KIF14: variants seen among roughly 807,000 people sequenced by gnomAD.
KIF14 encodes kinesin-like protein KIF14.
In KIF14, 98 loss-of-function variants were observed where a neutral mutation model predicts 176.2. The ratio of observed to expected loss-of-function variants is 0.56; its 90% CI spans 0.47 to 0.66. The LOEUF (loss-of-function observed/expected upper bound fraction) is 0.66, where lower values mean the gene tolerates loss of function less well. KIF14 is among the 30% of genes least tolerant of loss of function. The probability of loss-of-function intolerance (pLI) is 0.00; values close to 1 mark genes in which losing one functional copy is unlikely to be tolerated. For synonymous variants in KIF14, 566 were observed against 632.2 expected, an observed-to-expected ratio of 0.90 and a Z score of 1.57; for missense variants, 1,751 against 1,920.4, an observed-to-expected ratio of 0.91 and a Z score of 1.65.
Position 200,551,659 on chromosome 1 carries a change from A to C in KIF14, c.*1729T>G, listed in dbSNP as rs1477605545. 6.6e-6 allele frequency: 1 copy of C among 152,174 alleles called. No individual in the cohort carries two copies. The highest frequency in any genetic ancestry group is 1.9e-4 in the East Asian group (1 of 5,198). The allele number at this position is 152,174 out of a possible 1,614,324, so 9.4% of individuals were successfully genotyped here. On this transcript the variant is annotated 3_prime_UTR_variant, in exon 30 of 30. Coordinates refer to ENST00000367350, the MANE Select transcript of KIF14 (RefSeq NM_014875.3). ...TACAAAATTTTATAAAGACACTAAA[A>C]AGTTTCTGACCAATTAAGTCATGAG...
rs1312693263 is a variant in KIF14, at chr1:200,565,160, T to C, written c.3980A>G (p.Asp1327Gly). ...LVVLMKHWLSDLLPCTNIARL... is the reference protein window; with the variant it reads ...LVVLMKHWLSGLLPCTNIARL... ...TGCTATGTTGGTACAAGGCAGTAAA[T>C]CACTCAGCCAGTGTTTCATTAGCAC... The change falls in exon 25 of 30, where the codon GAT becomes GGT. Residue 1327 changes from aspartate (D) to glycine (G), a missense_variant. Asp to Gly is a moderately conservative substitution (Grantham distance 94). Coordinates refer to ENST00000367350, the MANE Select transcript of KIF14 (RefSeq NM_014875.3). 6.2e-7 allele frequency: 1 copy of C among 1,613,796 alleles called. No homozygotes were observed. Among genetic ancestry groups the C allele is most frequent in the Non-Finnish European group, 8.5e-7 (1 of 1,179,838 alleles).
In KIF14 at chr1:200,593,686, T is replaced by TC; in HGVS notation, c.2632dup (p.Glu878GlyfsTer9). 6.2e-7 allele frequency: 1 copy of TC among 1,609,340 alleles called. No homozygotes were observed. The highest frequency in any genetic ancestry group is 1.1e-5 in the South Asian group (1 of 90,994). ...ACTTACATGACGTAATACTGTGATTTCCAAAATATGTTTTCCATTTACATA... is the reference window on the plus strand; with the variant it reads ...ACTTACATGACGTAATACTGTGATTTCCCAAAATATGTTTTCCATTTACATA... On this transcript the variant is annotated frameshift_variant, in exon 15 of 30. Transcript: ENST00000367350. LOFTEE classifies it high-confidence loss of function.
intron 21 of KIF14, among the ~76,000 whole-genome samples, chr1:200,577,821 A>T (rs901344006): frequency 8.6e-5 from 13 of 152,004 alleles, no homozygotes; most frequent in African/African-American, 2.9e-4. Context: ...CATAAGATAA[A>T]CTGTGACACT....
intron 15 of KIF14, 112 bp downstream of exon 15, chr1:200,593,555 T>C: frequency 1.4e-6 from 1 of 734,802 alleles, no homozygotes; most frequent in Non-Finnish European, 2.3e-6. Context: ...AATGAAAAAG[T>C]CCTTAATCTG....
chr1:200,605,174 C>T (rs1479529765), intron 8 of KIF14, 109 bp downstream of exon 8: 3 of 1,044,520 alleles, frequency 2.9e-6, no homozygotes, highest in African/African-American at 3.2e-5. Context: ...TCTGGGTGAT[C>T]ACCAGGGTGA....
intron 4 of KIF14, among the ~76,000 whole-genome samples, chr1:200,609,431 T>G (rs1242962733): frequency 6.6e-6 from 1 of 152,098 alleles, no homozygotes; most frequent in Non-Finnish European, 1.5e-5. Flanking sequence ...GGAGGATCAT[T>G]TGAGGTCAGG....
At chr1:200,559,490 G>T in intron 26 of KIF14, 38 bp from the exon 27 acceptor site, 1 of 1,296,614 alleles carries the variant, frequency 7.7e-7, no homozygotes, top group Non-Finnish European at 1.0e-6. Context: ...GAAAATTTAG[G>T]TTTTATGTAT....
chr1:200,590,650 A>G (rs575890257), intron 16 of KIF14, among the ~76,000 whole-genome samples: 27 of 152,338 alleles, frequency 1.8e-4, no homozygotes, highest in Middle Eastern at 3.4e-3. Context: ...GAGAATGGCT[A>G]TTGTTTAACA....
chr1:200,605,977 C>A, intron 6 of KIF14, 83 bp from the exon 7 acceptor site: 1 of 693,890 alleles, frequency 1.4e-6, no homozygotes, highest in South Asian at 2.4e-5. Flanking sequence ...ATTTCAATTA[C>A]ATATTTACGC....
chr1:200,605,907 A>C lies in KIF14; in HGVS notation c.1608-13T>G, dbSNP rs745647115. 31 of 1,494,992 alleles carry C rather than the reference A, an allele frequency of 2.1e-5. No individual in the cohort carries two copies. In the Admixed American group the frequency reaches 4.8e-4, roughly 23 times the overall value. The allele number at this position is 1,494,992 out of a possible 1,614,324, so 92.6% of individuals were successfully genotyped here. Reference sequence around the variant, plus strand: ...ACTGACAATGTTCCTATTTTTAAGAAGTGAAAAGACAAAATCAATTTTACT... The same window carrying C: ...ACTGACAATGTTCCTATTTTTAAGACGTGAAAAGACAAAATCAATTTTACT... On this transcript the variant is annotated splice_polypyrimidine_tract_variant and intron_variant, in intron 6 of 29. Coordinates refer to ENST00000367350, the MANE Select transcript of KIF14 (RefSeq NM_014875.3).
In KIF14 at chr1:200,580,360, C is replaced by G. The variant is rs1658377599; in HGVS notation, c.3359G>C (p.Ser1120Thr). Reference sequence around the variant, plus strand: ...ACGAACCCGAATAGAAGTGTCAGAACTACTTTTATCTGATATATCATGTCT... The same window carrying G: ...ACGAACCCGAATAGAAGTGTCAGAAGTACTTTTATCTGATATATCATGTCT... ...FGRHDISDKS[S>T]SDTSIRVRNL... The change falls in exon 21 of 30, where the codon AGT becomes ACT. Residue 1120 changes from serine (S) to threonine (T), a missense_variant. Ser to Thr is a moderately conservative substitution (Grantham distance 58, BLOSUM62 1). Transcript: ENST00000367350. The G allele has an allele frequency of 6.6e-7, 1 of 1,509,364 alleles. No homozygotes were observed. The highest frequency in any genetic ancestry group is 8.9e-7 in the Non-Finnish European group (1 of 1,123,394). 93.5% of individuals were successfully genotyped at this position (1,509,364 alleles called of 1,614,324 possible).
At chr1:200,612,229 C>G (rs1190142918) in intron 4 of KIF14, among the ~76,000 whole-genome samples, 3 of 152,182 alleles carry the variant, frequency 2.0e-5, no homozygotes, top group Non-Finnish European at 4.4e-5. Flanking sequence ...TCTCAAACTC[C>G]TGACCTCAGG....
In KIF14 at chr1:200,583,043, G is replaced by A. The variant is rs145288059; in HGVS notation, c.3242-1749C>T. On this transcript the variant is annotated intron_variant, in intron 19 of 29. Coordinates refer to ENST00000367350, the MANE Select transcript of KIF14 (RefSeq NM_014875.3). ...GGAGCCTGTTAAGTAACACCAGGCAGACACAATCAGCAAAATCCAGAATCC... is the reference window on the plus strand; with the variant it reads ...GGAGCCTGTTAAGTAACACCAGGCAAACACAATCAGCAAAATCCAGAATCC... 3.3e-3 allele frequency among the ~76,000 whole-genome samples: 502 copies of A among 152,170 alleles called. 5 individuals carry two copies. The highest frequency in any genetic ancestry group is 0.012 in the African/African-American group (482 of 41,514).
chr1:200,581,252 T>C lies in KIF14; in HGVS notation c.3284A>G (p.Gln1095Arg), dbSNP rs1227511945. 4 of 1,605,042 alleles carry C rather than the reference T, an allele frequency of 2.5e-6. No individual in the cohort carries two copies. Among genetic ancestry groups the C allele is most frequent in the Non-Finnish European group, 3.4e-6 (4 of 1,176,452 alleles). ...TTTGCTGCTGATAGCATTGGCTTCCTGAATCATCATTGAGAGTTTCATAGA... is the reference window on the plus strand; with the variant it reads ...TTTGCTGCTGATAGCATTGGCTTCCCGAATCATCATTGAGAGTTTCATAGA... Reference protein sequence around the residue: ...WSSMKLSMMIQEANAISSKLK... With the variant: ...WSSMKLSMMIREANAISSKLK... Residue 1095 changes from glutamine to arginine, a missense_variant, in exon 20 of 30, where the codon CAG (glutamine) becomes CGG (arginine). Gln to Arg is a conservative substitution (Grantham distance 43). Coordinates refer to ENST00000367350, the MANE Select transcript of KIF14 (RefSeq NM_014875.3).
At chr1:200,616,935 T>C (rs1660430657) in intron 2 of KIF14, among the ~76,000 whole-genome samples, 3 of 152,166 alleles carry the variant, frequency 2.0e-5, no homozygotes, top group Non-Finnish European at 2.9e-5. Flanking sequence ...GGAAAGGGTT[T>C]TGAAAGGACC....
At chr1:200,584,689 A>G (rs1435754491) in intron 19 of KIF14, among the ~76,000 whole-genome samples, 4 of 152,242 alleles carry the variant, frequency 2.6e-5, no homozygotes, top group Non-Finnish European at 5.9e-5. Flanking sequence ...AATTAGATAT[A>G]GAAGAATGTA....
Position 200,620,443 on chromosome 1 carries a change from G to A in KIF14, c.-148C>T, listed in dbSNP as rs1004142623. On this transcript the variant is annotated 5_prime_UTR_variant, in exon 1 of 30. Coordinates refer to ENST00000367350, the MANE Select transcript of KIF14 (RefSeq NM_014875.3). ...TGCCAACCGACTCGGGGAGACTCGGGGAGAAGCCCACGGGCCGAGAGGCCC... is the reference window on the plus strand; with the variant it reads ...TGCCAACCGACTCGGGGAGACTCGGAGAGAAGCCCACGGGCCGAGAGGCCC... The A allele has an allele frequency of 6.6e-6, 1 of 150,782 alleles. No individual in the cohort carries two copies. Among genetic ancestry groups the A allele is most frequent in the Non-Finnish European group, 1.5e-5 (1 of 68,054 alleles). The allele number at this position is 150,782 out of a possible 1,614,324, so 9.3% of individuals were successfully genotyped here.
chr1:200,574,348 T>C (rs1441784783), intron 22 of KIF14, among the ~76,000 whole-genome samples: 1 of 152,204 alleles, frequency 6.6e-6, no homozygotes, highest in African/African-American at 2.4e-5. Context: ...GACTTTCCCC[T>C]AGTCAGTCAC....
chr1:200,598,433 C>A lies in KIF14; in HGVS notation c.2365-12G>T. The A allele has an allele frequency of 1.3e-6, 2 of 1,593,318 alleles. No homozygotes were observed. The highest frequency in any genetic ancestry group is 2.3e-5 in the South Asian group (2 of 87,486). ...ATAATTCCTGCTTTCTGGTAGAAGT[C>A]AGAAAAAGAAATTAATCTTAATCAC... On this transcript the variant is annotated splice_polypyrimidine_tract_variant and intron_variant, in intron 13 of 29. Transcript: ENST00000367350.
Sources: gnomAD v4.1 joint callset for allele counts (sites outside exome capture counted in the v4.1 genomes callset) on GRCh38, gnomAD v4.1.1 for gene constraint, MANE v1.5 for transcripts, NCBI Gene and HGNC (gene_info 2026-07-23, HGNC 2026-07-21) for gene names.